SMG6: variants seen among roughly 807,000 people sequenced by gnomAD.
SMG6 encodes SMG6 nonsense mediated mRNA decay factor.
A neutral mutation model predicts 142.2 loss-of-function variants in SMG6; 66 were observed. The observed-to-expected ratio is 0.46, with a 90% CI of 0.38 to 0.57. SMG6 has a LOEUF of 0.57. Among genes scored for constraint, SMG6 ranks in the 20% least tolerant of loss-of-function variants. The pLI, the probability that SMG6 is intolerant of heterozygous loss-of-function variation, is 0.00. For missense variants in SMG6, 1,793 were observed against 1,832.0 expected, an observed-to-expected ratio of 0.98 and a Z score of 0.39; for synonymous variants, 779 against 702.4, an observed-to-expected ratio of 1.11 and a Z score of -1.72.
chr17:2,243,419 G>C (rs71359153), intron 9 of SMG6, among the ~76,000 whole-genome samples: 3 of 152,166 alleles, frequency 2.0e-5, no homozygotes, highest in Non-Finnish European at 4.4e-5. Context: ...GGTGGTTCAC[G>C]GCTGTAATCC....
At position 2,182,887 on chromosome 17, in the gene SMG6, G is replaced by C. The variant is rs2071849731; in HGVS notation, c.3155+3776C>G. 3.9e-5 allele frequency among the ~76,000 whole-genome samples: 5 copies of C among 127,790 alleles called. No homozygotes were observed. In the South Asian group the frequency reaches 1.3e-3, roughly 33 times the overall value. 83.8% of individuals were successfully genotyped at this position (127,790 alleles called of 152,430 possible). A position where few individuals can be genotyped will look rare whatever the true frequency, so the allele number is the denominator to read the frequency against. On this transcript the variant is annotated intron_variant, in intron 12 of 18. Coordinates refer to ENST00000263073, the MANE Select transcript of SMG6 (RefSeq NM_017575.5). The stretch of plus-strand genomic sequence containing the variant: ...GGGAAGAAAAGGAAGAGGGAAACGA[G>C]AAATGGCCAGGGGGGTGGGGTGGGC...
chr17:2,156,756 G>T (rs990635978), intron 13 of SMG6, among the ~76,000 whole-genome samples: 2 of 152,168 alleles, frequency 1.3e-5, no homozygotes, highest in African/African-American at 4.8e-5. Context: ...CCAGGCTCAA[G>T]CAATCCTCCC....
chr17:2,268,849 T>C (rs369953775), intron 8 of SMG6, among the ~76,000 whole-genome samples: 2 of 150,210 alleles, frequency 1.3e-5, no homozygotes, highest in African/African-American at 4.9e-5. Flanking sequence ...GAGACAGACC[T>C]GGCAGTGAGC....
At chr17:2,107,383 G>A (rs556371043) in intron 13 of SMG6, among the ~76,000 whole-genome samples, 14 of 152,318 alleles carry the variant, frequency 9.2e-5, no homozygotes, top group African/African-American at 2.6e-4. Context: ...TGCCAGCTAC[G>A]AAGTACTATG....
intron 8 of SMG6, among the ~76,000 whole-genome samples, chr17:2,251,714 T>A (rs565264011): frequency 6.6e-6 from 1 of 152,138 alleles, no homozygotes; most frequent in African/African-American, 2.4e-5. Context: ...GCTAAATCAG[T>A]AGGCAGCTCC....
chr17:2,219,444 T>A (rs962812954), intron 10 of SMG6, among the ~76,000 whole-genome samples: 1 of 151,974 alleles, frequency 6.6e-6, no homozygotes, highest in Non-Finnish European at 1.5e-5. Flanking sequence ...AGGTGGTTGC[T>A]GGACATTCTC....
intron 12 of SMG6, among the ~76,000 whole-genome samples, chr17:2,178,705 C>T (rs2071719622): frequency 1.3e-5 from 2 of 152,192 alleles, no homozygotes; most frequent in South Asian, 2.1e-4. Flanking sequence ...TTCTCCAAAG[C>T]CACCCTCATA....
At chr17:2,216,544 A>T (rs2073025883) in intron 10 of SMG6, among the ~76,000 whole-genome samples, 1 of 152,166 alleles carries the variant, frequency 6.6e-6, no homozygotes, top group South Asian at 2.1e-4. Flanking sequence ...ATAAGACATA[A>T]TTTTTTTAAA....
intron 10 of SMG6, among the ~76,000 whole-genome samples, chr17:2,202,840 C>T (rs1299098735): frequency 6.6e-6 from 1 of 152,196 alleles, no homozygotes; most frequent in East Asian, 1.9e-4. Flanking sequence ...TGGCAAGTGG[C>T]TGAGTAGAGA....
chr17:2,188,316 C>A, intron 11 of SMG6, 83 bp downstream of exon 11: 5 of 1,131,680 alleles, frequency 4.4e-6, no homozygotes, highest in South Asian at 1.3e-5. Flanking sequence ...GAGAAGACAC[C>A]GAGAAAACAG....
chr17:2,146,264 A>G (rs1019476413), intron 13 of SMG6, among the ~76,000 whole-genome samples: 1 of 152,176 alleles, frequency 6.6e-6, no homozygotes, highest in African/African-American at 2.4e-5. Flanking sequence ...TGGGCAGGTG[A>G]TGGGGCCAAT....
In SMG6 at chr17:2,297,932, T is replaced by C. The variant is rs1237269506; in HGVS notation, c.1971A>G (p.Gln657=). The C allele has an allele frequency of 5.0e-6, 8 of 1,613,442 alleles. No homozygotes were observed. Among genetic ancestry groups the C allele is most frequent in the Non-Finnish European group, 6.8e-6 (8 of 1,180,026 alleles). Residue 657 remains glutamine, a synonymous_variant, in exon 3 of 19, where the codon CAA becomes CAG. Coordinates refer to ENST00000263073, the MANE Select transcript of SMG6 (RefSeq NM_017575.5). The part of the protein sequence containing the change: ...AFYQVIEKFR[Q]LVKDPNVENP... Reference sequence around the variant, plus strand: ...TCTCAACATTCGGATCCTTGACAAGTTGCCTGAACTTCTCAATCACCTGAT... The same window carrying C: ...TCTCAACATTCGGATCCTTGACAAGCTGCCTGAACTTCTCAATCACCTGAT...
At chr17:2,186,402 G>C (rs530009415) in intron 12 of SMG6, among the ~76,000 whole-genome samples, 1 of 152,152 alleles carries the variant, frequency 6.6e-6, no homozygotes, top group African/African-American at 2.4e-5. Context: ...ATGAGGGAAC[G>C]AGAGCAAGAA....
Position 2,185,871 on chromosome 17 carries a change from C to T in SMG6, c.3155+792G>A, listed in dbSNP as rs191643484. ...TGTGCATGCATTCAGCCTCCCCACA[C>T]GCTGCCATGCCAGGAGACAAACTGC... On this transcript the variant is annotated intron_variant, in intron 12 of 18. Transcript: ENST00000263073. Among the ~76,000 whole-genome samples, 554 of 152,246 alleles carry T rather than the reference C, an allele frequency of 3.6e-3. 9 individuals are homozygous for T. The highest frequency in any genetic ancestry group is 6.3e-3 in the Non-Finnish European group (427 of 68,012).
intron 6 of SMG6, among the ~76,000 whole-genome samples, chr17:2,288,941 T>C (rs1042386219): frequency 2.0e-5 from 3 of 148,920 alleles, no homozygotes; most frequent in Non-Finnish European, 3.0e-5. Flanking sequence ...TAGCCGGGTG[T>C]GGTGGAGGGC....
intron 13 of SMG6, among the ~76,000 whole-genome samples, chr17:2,116,421 T>C (rs1428065935): frequency 6.6e-6 from 1 of 152,082 alleles, no homozygotes; most frequent in Non-Finnish European, 1.5e-5. Flanking sequence ...CATAAAAAGA[T>C]ACCATTAATA....
In SMG6 at chr17:2,060,556, A is replaced by G. The variant is rs530911571; in HGVS notation, c.*936T>C. The G allele has an allele frequency of 1.3e-5, 2 of 152,462 alleles. No homozygotes were observed. Among genetic ancestry groups the G allele is most frequent in the African/African-American group, 4.8e-5 (2 of 41,556 alleles). The allele number at this position is 152,462 out of a possible 1,614,324, so 9.4% of individuals were successfully genotyped here. A position where few individuals can be genotyped will look rare whatever the true frequency, so the allele number is the denominator to read the frequency against. On this transcript the variant is annotated 3_prime_UTR_variant, in exon 19 of 19. Transcript: ENST00000263073. ...CCTATGACGAGGAACCGCGGTGAAG[A>G]AATGAAGGGGATCAGGGAGGTGAAA...
intron 15 of SMG6, among the ~76,000 whole-genome samples, chr17:2,079,405 C>T (rs183153448): frequency 1.3e-5 from 2 of 152,176 alleles, no homozygotes; most frequent in South Asian, 2.1e-4. Flanking sequence ...GAGGCCGTGG[C>T]GGGCAGATCA....
At chr17:2,152,191 G>C (rs2070848214) in intron 13 of SMG6, among the ~76,000 whole-genome samples, 1 of 152,190 alleles carries the variant, frequency 6.6e-6, no homozygotes, top group Non-Finnish European at 1.5e-5. Context: ...GGGGACAGGA[G>C]AAAGAACTGA....
Sources: gnomAD v4.1 joint callset for allele counts (sites outside exome capture counted in the v4.1 genomes callset) on GRCh38, gnomAD v4.1.1 for gene constraint, MANE v1.5 for transcripts, NCBI Gene and HGNC (gene_info 2026-07-23, HGNC 2026-07-21) for gene names.